The following SWAP70 variants were observed in gnomAD, a reference collection of about 807,000 sequenced individuals.
SWAP70 encodes switching B cell complex subunit SWAP70, also known as switch-associated protein 70.
A neutral mutation model predicts 80.2 loss-of-function variants in SWAP70; 34 were observed. That is an observed-to-expected ratio of 0.42 (90% CI 0.32 to 0.56). The LOEUF (loss-of-function observed/expected upper bound fraction) is 0.56, where lower values mean the gene tolerates loss of function less well. Ranked by LOEUF, SWAP70 falls within the 20% of genes least tolerant of loss-of-function variation. SWAP70 has a pLI of 0.09. For synonymous variants in SWAP70, 239 were observed against 238.5 expected (o/e 1.00, Z -0.02); for missense variants, 578 against 690.7 (o/e 0.84, Z 1.83).
intron 9 of SWAP70, among the ~76,000 whole-genome samples, chr11:9,744,811 G>A (rs981431228): frequency 6.6e-6 from 1 of 152,088 alleles, no homozygotes; most frequent in Non-Finnish European, 1.5e-5. Context: ...GGGAGGCTGA[G>A]ACACTTGAAT....
At position 9,682,685 on chromosome 11, in the gene SWAP70, A is replaced by AT. The variant is rs201919919; in HGVS notation, c.100-11452dup. Among the ~76,000 whole-genome samples, 623 of 151,200 alleles carry AT rather than the reference A, an allele frequency of 4.1e-3. 15 individuals carry two copies. The East Asian group carries it at 0.064, about 16-fold the overall frequency. ...ATGTCTTGTCTTTATTTTTATTTTT[A>AT]TTTTTTTTTGAGACAGGGTCTTCGT... On this transcript the variant is annotated intron_variant, in intron 1 of 11. Transcript: ENST00000318950.
In SWAP70 at chr11:9,693,822, T is replaced by C. The variant is rs188126545; in HGVS notation, c.100-324T>C. ...AATTTTGAACACATTCTCTTAGACT[T>C]CCCCCCCCACCCCACTTTTCTTTCT... On this transcript the variant is annotated intron_variant, in intron 1 of 11. Coordinates refer to ENST00000318950, the MANE Select transcript of SWAP70 (RefSeq NM_015055.4). Among the ~76,000 whole-genome samples the C allele has an allele frequency of 9.7e-3, 1,467 of 150,696 alleles. 23 individuals carry two copies. The highest frequency in any genetic ancestry group is 0.034 in the African/African-American group (1,375 of 40,948).
At chr11:9,668,084 TCA>T in intron 1 of SWAP70, among the ~76,000 whole-genome samples, 1 of 152,324 alleles carries the variant, frequency 6.6e-6, no homozygotes, top group South Asian at 2.1e-4. Context: ...AGATGGGGTT[TCA>T]CCATGTTGGC....
At chr11:9,738,371 G>A (rs173396) in intron 8 of SWAP70, 51 bp downstream of exon 8, 811,764 of 1,416,116 alleles carry the variant, frequency 0.57, 234,560 homozygotes, top group Middle Eastern at 0.68. Context: ...AGCCTGGGTC[G>A]GTGGGAACAG....
intron 1 of SWAP70, among the ~76,000 whole-genome samples, chr11:9,691,348 A>G (rs1850695566): frequency 6.6e-6 from 1 of 152,256 alleles, no homozygotes; most frequent in Admixed American, 6.5e-5. Context: ...TTTTACAAAC[A>G]AGTCCAACTC....
rs906557931 is a variant in SWAP70 at position 9,751,727 on chromosome 11, T to C, written c.*1757T>C. The C allele has an allele frequency of 3.9e-5, 6 of 152,264 alleles. No individual in the cohort carries two copies. The highest frequency in any genetic ancestry group is 1.3e-4 in the Admixed American group (2 of 15,286). 9.4% of individuals were successfully genotyped at this position (152,264 alleles called of 1,614,324 possible). ...AATATAATCCCATAAATTATCACCT[T>C]TTATGACTGGAAAATATTTGCCAAT... On this transcript the variant is annotated 3_prime_UTR_variant, in exon 12 of 12. Transcript: ENST00000318950.
chr11:9,735,958 T>C (rs1028915449), intron 7 of SWAP70, among the ~76,000 whole-genome samples: 2 of 150,322 alleles, frequency 1.3e-5, no homozygotes, highest in Non-Finnish European at 2.9e-5. Flanking sequence ...TTTTTTCTAC[T>C]TTTTTTTCCC....
chr11:9,709,091 T>C (rs1400571179), intron 2 of SWAP70, among the ~76,000 whole-genome samples: 1 of 151,476 alleles, frequency 6.6e-6, no homozygotes, highest in Non-Finnish European at 1.5e-5. Flanking sequence ...TGTTTTTCTT[T>C]AAAGACAGGG....
At chr11:9,668,308 T>C (rs1850333760) in intron 1 of SWAP70, among the ~76,000 whole-genome samples, 1 of 152,214 alleles carries the variant, frequency 6.6e-6, no homozygotes, top group Non-Finnish European at 1.5e-5. Context: ...TATGGCTGCT[T>C]ATAGGAAAAG....
chr11:9,673,712 A>G (rs77740565), intron 1 of SWAP70, among the ~76,000 whole-genome samples: 134 of 152,290 alleles, frequency 8.8e-4, no homozygotes, highest in Middle Eastern at 3.4e-3. Context: ...GTGGCCTTCA[A>G]TTAGACAAGG....
At chr11:9,686,766 T>G (rs1241393464) in intron 1 of SWAP70, among the ~76,000 whole-genome samples, 1 of 152,236 alleles carries the variant, frequency 6.6e-6, no homozygotes, top group Non-Finnish European at 1.5e-5. Context: ...CATCATGCTT[T>G]ATTTAACCAT....
At chr11:9,721,700 T>A (rs1851140147) in intron 3 of SWAP70, among the ~76,000 whole-genome samples, 1 of 152,166 alleles carries the variant, frequency 6.6e-6, no homozygotes, top group Non-Finnish European at 1.5e-5. Context: ...CTTGAATTCC[T>A]GGCCCCAAGT....
rs139870073 is a variant in SWAP70 at position 9,667,232 on chromosome 11, C to CTGTG, written c.99+2969_99+2972dup. 2.4e-3 allele frequency among the ~76,000 whole-genome samples: 355 copies of CTGTG among 146,506 alleles called. 1 individual carries two copies. Among genetic ancestry groups the CTGTG allele is most frequent in the South Asian group, 5.1e-3 (23 of 4,492 alleles). ...ATCTAGAACCAAGATTTTCACACTT[C>CTGTG]TGTGTGTGTGTGTGTGTGAGAGAGA... On this transcript the variant is annotated intron_variant, in intron 1 of 11. Coordinates refer to ENST00000318950, the MANE Select transcript of SWAP70 (RefSeq NM_015055.4).
intron 10 of SWAP70, 140 bp from the exon 11 acceptor site, chr11:9,748,947 A>C (rs1404993063): frequency 9.3e-6 from 4 of 428,168 alleles, no homozygotes; most frequent in Non-Finnish European, 1.7e-5. Context: ...ATGGGGTAAT[A>C]GTAGTTCCCA....
At chr11:9,668,029 C>T (rs1590003579) in intron 1 of SWAP70, among the ~76,000 whole-genome samples, 1 of 152,190 alleles carries the variant, frequency 6.6e-6, no homozygotes, top group African/African-American at 2.4e-5. Context: ...GCTGGGATTA[C>T]AGGTGCCCAC....
chr11:9,703,389 T>TC (rs1260288634), intron 2 of SWAP70: 1 of 456,160 alleles, frequency 2.2e-6, no homozygotes, highest in Non-Finnish European at 4.4e-6. Context: ...TTCTCTCTGT[T>TC]CCCCAGATTA....
chr11:9,744,192 G>T (rs1851480942), intron 9 of SWAP70, among the ~76,000 whole-genome samples: 1 of 152,154 alleles, frequency 6.6e-6, no homozygotes, highest in African/African-American at 2.4e-5. Context: ...TTGATCTCCT[G>T]ACCTCGTGAT....
At chr11:9,673,930 C>T (rs768732291) in intron 1 of SWAP70, among the ~76,000 whole-genome samples, 4 of 151,986 alleles carry the variant, frequency 2.6e-5, no homozygotes, top group Non-Finnish European at 5.9e-5. Flanking sequence ...GATGGAATCC[C>T]GCTCTGTCGC....
rs765924802 is a variant in SWAP70 at position 9,749,958 on chromosome 11, G to A, written c.1746G>A (p.Lys582=). 3 of 1,612,974 alleles carry A rather than the reference G, an allele frequency of 1.9e-6. No individual in the cohort carries two copies. Among genetic ancestry groups the A allele is most frequent in the South Asian group, 1.1e-5 (1 of 91,048 alleles). The change falls in exon 12 of 12, where the codon AAG becomes AAA. Residue 582 remains lysine (K), a synonymous_variant. Coordinates refer to ENST00000318950, the MANE Select transcript of SWAP70 (RefSeq NM_015055.4). ...GAGAGAAGAACTGGAAAGAGAAAAA[G>A]ACCACGGAGTGACTGAGCTTGCTGG... is the stretch of plus-strand genomic sequence containing the variant. ...EEREKNWKEK[K]TTE
Sources: gnomAD v4.1 joint callset for allele counts (sites outside exome capture counted in the v4.1 genomes callset) on GRCh38, gnomAD v4.1.1 for gene constraint, MANE v1.5 for transcripts, NCBI Gene and HGNC (gene_info 2026-07-23, HGNC 2026-07-21) for gene names.